PRRC2B: variants seen among roughly 807,000 people sequenced by gnomAD.
PRRC2B encodes the protein protein PRRC2B.
A neutral mutation model predicts 242.3 loss-of-function variants in PRRC2B; 68 were observed. The observed-to-expected ratio is 0.28, with a 90% CI of 0.23 to 0.34. The LOEUF is 0.34. Ranked by LOEUF, PRRC2B falls within the 10% of genes least tolerant of loss-of-function variation. The pLI, the probability that PRRC2B is intolerant of heterozygous loss-of-function variation, is 1.00. For missense variants in PRRC2B, 2,835 were observed against 2,954.8 expected, an observed-to-expected ratio of 0.96 and a Z score of 0.94; for synonymous variants, 1,228 against 1,173.6, an observed-to-expected ratio of 1.05 and a Z score of -0.95.
At chr9:131,400,701 G>T (rs925431545) in intron 1 of PRRC2B, among the ~76,000 whole-genome samples, 1 of 152,042 alleles carries the variant, frequency 6.6e-6, no homozygotes, top group Non-Finnish European at 1.5e-5. Flanking sequence ...CATGAGCCAC[G>T]GCACCCAGCA....
chr9:131,491,350 G>A, intron 28 of PRRC2B, 75 bp from the exon 29 acceptor site: 1 of 1,392,086 alleles, frequency 7.2e-7, no homozygotes, highest in Non-Finnish European at 9.7e-7. Context: ...AAGTGCATGT[G>A]CGGTCGCTCT....
intron 19 of PRRC2B, among the ~76,000 whole-genome samples, chr9:131,481,368 TACCAACTTTTA>T (rs1943862258): frequency 6.8e-6 from 1 of 147,190 alleles, no homozygotes; most frequent in African/African-American, 2.5e-5. Context: ...AAAGAGAAGC[TACCAACTTTTA>T]GAAATAGTAT....
At chr9:131,433,894 T>C (rs1838257507) in intron 3 of PRRC2B, among the ~76,000 whole-genome samples, 1 of 152,232 alleles carries the variant, frequency 6.6e-6, no homozygotes, top group Admixed American at 6.5e-5. Context: ...GTAATCAAAA[T>C]AGGGCCTTAG....
At position 131,496,381 on chromosome 9, in the gene PRRC2B, T is replaced by C. The variant is rs1387854208; in HGVS notation, c.*507T>C. The C allele has an allele frequency of 1.3e-5, 2 of 155,298 alleles. No individual in the cohort carries two copies. The highest frequency in any genetic ancestry group is 1.4e-5 in the Non-Finnish European group (1 of 69,940). The allele number at this position is 155,298 out of a possible 1,614,324, so 9.6% of individuals were successfully genotyped here. A position where few individuals can be genotyped will look rare whatever the true frequency, so the allele number is the denominator to read the frequency against. On this transcript the variant is annotated 3_prime_UTR_variant, in exon 32 of 32. Coordinates refer to ENST00000683519, the MANE Select transcript of PRRC2B (RefSeq NM_013318.4). Reference sequence around the variant, plus strand: ...TGTGTATAGCTGAACTTTTATATGTTTCTTGCCAGCCCCTCCGCTCCCTTC... The same window carrying C: ...TGTGTATAGCTGAACTTTTATATGTCTCTTGCCAGCCCCTCCGCTCCCTTC...
chr9:131,459,127 A>C (rs1943167709), intron 10 of PRRC2B, 37 bp from the exon 11 acceptor site: 1 of 1,593,260 alleles, frequency 6.3e-7, no homozygotes, highest in Non-Finnish European at 8.6e-7. Flanking sequence ...GCTTGGCCTG[A>C]GTGCAAAAAC....
chr9:131,387,094 C>T (rs1338089481), intron 1 of PRRC2B, among the ~76,000 whole-genome samples: 3 of 150,000 alleles, frequency 2.0e-5, no homozygotes, highest in Non-Finnish European at 3.0e-5. Flanking sequence ...CTCAGCCTTC[C>T]GGGTTCAAGC....
In PRRC2B at chr9:131,499,768, G is replaced by C. The variant is rs756897758; in HGVS notation, c.*3894G>C. 1 of 152,192 alleles carries C rather than the reference G, an allele frequency of 6.6e-6. No individual in the cohort carries two copies. The highest frequency in any genetic ancestry group is 1.9e-4 in the East Asian group (1 of 5,192). The allele number at this position is 152,192 out of a possible 1,614,324, so 9.4% of individuals were successfully genotyped here. A position where few individuals can be genotyped will look rare whatever the true frequency, so the allele number is the denominator to read the frequency against. ...CCTCAGAGTGGAAATTCCTGCTAAG[G>C]CTCTGTGTGGACGCCTTTCTCCCGT... is the stretch of plus-strand genomic sequence containing the variant. On this transcript the variant is annotated 3_prime_UTR_variant, in exon 32 of 32. Coordinates refer to ENST00000683519, the MANE Select transcript of PRRC2B (RefSeq NM_013318.4).
chr9:131,492,238 G>A lies in PRRC2B; in HGVS notation c.6451G>A (p.Val2151Met), dbSNP rs547195022. 541 of 1,613,784 alleles carry A rather than the reference G, an allele frequency of 3.4e-4. 11 individuals are homozygous for A. The South Asian group carries it at 5.7e-3, about 17-fold the overall frequency. ...ACAGAATGTCCCTTCAGGAGGCCCC[G>A]TGCCATCGCCACAGACCTACAGGTA... ...SKQNVPSGGPVPSPQTYRPSS... is the reference protein window; with the variant it reads ...SKQNVPSGGPMPSPQTYRPSS... The change falls in exon 30 of 32, where the codon GTG becomes ATG. Residue 2151 changes from valine to methionine, a missense_variant. By Grantham distance (21) the Val-to-Met change is conservative. This residue lies in a region of PRRC2B where 574 missense variants were observed against 626.0 expected (regional missense o/e 0.92). Coordinates refer to ENST00000683519, the MANE Select transcript of PRRC2B (RefSeq NM_013318.4).
chr9:131,383,280 G>A (rs532401916), intron 1 of PRRC2B, among the ~76,000 whole-genome samples: 2 of 152,262 alleles, frequency 1.3e-5, no homozygotes, highest in East Asian at 1.9e-4. Context: ...GCTGTGTCTC[G>A]TTAGTACAAC....
chr9:131,452,249 C>T (rs1588259974), intron 9 of PRRC2B, among the ~76,000 whole-genome samples: 2 of 152,326 alleles, frequency 1.3e-5, no homozygotes, highest in Non-Finnish European at 2.9e-5. Context: ...CTCCTGGGCT[C>T]AAGTGATCCT....
At chr9:131,409,452 G>C (rs182514277) in intron 1 of PRRC2B, among the ~76,000 whole-genome samples, 6 of 152,256 alleles carry the variant, frequency 3.9e-5, no homozygotes, top group African/African-American at 1.4e-4. Flanking sequence ...CCAAAGTGCT[G>C]GGATTATAGG....
chr9:131,467,801 C>T (rs139344154), intron 13 of PRRC2B, 48 bp downstream of exon 13: 65 of 1,582,422 alleles, frequency 4.1e-5, no homozygotes, highest in East Asian at 2.5e-4. Flanking sequence ...GCCTGAGTGC[C>T]GAGCAGATGT....
At chr9:131,472,153 C>A (rs186329806) in intron 14 of PRRC2B, among the ~76,000 whole-genome samples, 2 of 152,230 alleles carry the variant, frequency 1.3e-5, no homozygotes, top group East Asian at 3.9e-4. Flanking sequence ...TATTTGAAGT[C>A]TTTTGTTCCA....
chr9:131,476,869 G>A (rs1006871681), intron 16 of PRRC2B, among the ~76,000 whole-genome samples: 4 of 152,166 alleles, frequency 2.6e-5, no homozygotes, highest in African/African-American at 9.7e-5. Flanking sequence ...CCAGGTGCCG[G>A]TCAGTCCACC....
At chr9:131,441,327 G>A (rs1003043640) in intron 5 of PRRC2B, among the ~76,000 whole-genome samples, 1 of 152,104 alleles carries the variant, frequency 6.6e-6, no homozygotes, top group African/African-American at 2.4e-5. Flanking sequence ...GTTCACTTCT[G>A]AACCATGTCA....
At position 131,487,391 on chromosome 9, in the gene PRRC2B, CT is replaced by C. The variant is rs1377326707; in HGVS notation, c.5984+100del. On this transcript the variant is annotated intron_variant, in intron 27 of 31. Coordinates refer to ENST00000683519, the MANE Select transcript of PRRC2B (RefSeq NM_013318.4). This position sits in a 1 kb window ranked among gnomAD's most constrained non-coding sequence, Gnocchi z 5.3. ...CCTGCAGCTGTTTGGTGCTTGTCTG[CT>C]TTGGGGCCAGTGGGGCGGGGAGGGG... The C allele has an allele frequency of 1.4e-5, 8 of 571,046 alleles. No individual in the cohort carries two copies. Among genetic ancestry groups the C allele is most frequent in the Non-Finnish European group, 2.2e-5 (8 of 357,002 alleles). The allele number at this position is 571,046 out of a possible 1,614,324, so 35.4% of individuals were successfully genotyped here.
At position 131,487,410 on chromosome 9, in the gene PRRC2B, G is replaced by C; in HGVS notation, c.5984+116G>C. 1 of 823,826 alleles carries C rather than the reference G, an allele frequency of 1.2e-6. No homozygotes were observed. The highest frequency in any genetic ancestry group is 1.8e-6 in the Non-Finnish European group (1 of 550,716). The allele number at this position is 823,826 out of a possible 1,614,324, so 51.0% of individuals were successfully genotyped here. On this transcript the variant is annotated intron_variant, in intron 27 of 31. Transcript: ENST00000683519. The surrounding 1 kb of genome is among the most constrained non-coding windows in gnomAD (Gnocchi z 5.3). ...TGTCTGCTTTGGGGCCAGTGGGGCG[G>C]GGAGGGGTGGGAGTTTGCTCTGAAT...
upstream of PRRC2B, among the ~76,000 whole-genome samples, chr9:131,391,328 C>A (rs1003354647): frequency 1.3e-5 from 2 of 152,136 alleles, no homozygotes; most frequent in African/African-American, 4.8e-5. Flanking sequence ...GGTCCTGCGT[C>A]ATTCCTTTGT....
intron 1 of PRRC2B, among the ~76,000 whole-genome samples, chr9:131,408,309 G>C (rs1837420569): frequency 6.6e-6 from 1 of 152,212 alleles, no homozygotes; most frequent in Non-Finnish European, 1.5e-5. Flanking sequence ...AGGTTGTAAA[G>C]AAATATTGGC....
Sources: allele counts gnomAD v4.1 joint callset (sites outside exome capture counted in the v4.1 genomes callset), GRCh38; gene constraint gnomAD v4.1.1; regional missense constraint gnomAD v4.1.1; non-coding constraint Gnocchi (gnomAD v3.1); transcripts MANE v1.5; gene names NCBI Gene and HGNC (gene_info 2026-07-23, HGNC 2026-07-21).